The following TRIM2 variants were observed in gnomAD, a reference collection of about 807,000 sequenced individuals.
TRIM2 encodes tripartite motif-containing protein 2.
In TRIM2, 20 loss-of-function variants were observed where a neutral mutation model predicts 75.2. The observed-to-expected ratio is 0.27, with a 90% CI of 0.19 to 0.39. TRIM2 has a LOEUF of 0.39. TRIM2 is among the 10% of genes least tolerant of loss of function. The pLI, the probability that TRIM2 is intolerant of heterozygous loss-of-function variation, is 1.00. For synonymous variants in TRIM2, 373 were observed against 388.3 expected (o/e 0.96, Z 0.46); for missense variants, 660 against 990.8 (o/e 0.67, Z 4.48).
At chr4:153,201,735 CG>C (rs1734394079), upstream of TRIM2, among the ~76,000 whole-genome samples, 1 of 152,048 alleles carries the variant, frequency 6.6e-6, no homozygotes, top group Admixed American at 6.6e-5. Flanking sequence ...AAAATTTTAA[CG>C]AAGTCCAATT....
At chr4:153,180,747 G>T (rs1731974255) in intron 1 of TRIM2, among the ~76,000 whole-genome samples, 2 of 152,180 alleles carry the variant, frequency 1.3e-5, no homozygotes, top group South Asian at 4.1e-4. Flanking sequence ...CGAAGTGCTG[G>T]GATTACAGGC....
At chr4:153,218,671 T>G (rs879926411) in intron 1 of TRIM2, among the ~76,000 whole-genome samples, 2 of 152,192 alleles carry the variant, frequency 1.3e-5, no homozygotes, top group Non-Finnish European at 2.9e-5. Flanking sequence ...CTTTAGGAAG[T>G]GCTCTCTCAT....
intron 3 of TRIM2, among the ~76,000 whole-genome samples, chr4:153,288,186 C>T (rs1440849875): frequency 6.6e-6 from 1 of 152,078 alleles, no homozygotes; most frequent in Non-Finnish European, 1.5e-5. Context: ...CCTGTAATCC[C>T]AATAATTTGG....
intron 11 of TRIM2, among the ~76,000 whole-genome samples, chr4:153,334,440 C>A (rs1402689192): frequency 6.7e-6 from 1 of 148,302 alleles, no homozygotes; most frequent in Non-Finnish European, 1.5e-5. Flanking sequence ...TTTGCTCAGG[C>A]TGTTCTTAAA....
chr4:153,293,937 C>T (rs1762305668), intron 4 of TRIM2, among the ~76,000 whole-genome samples: 1 of 152,106 alleles, frequency 6.6e-6, no homozygotes, highest in African/African-American at 2.4e-5. Context: ...GCGGGGAGAG[C>T]TATTGGTATC....
At chr4:153,188,197 C>T (rs771155888) in intron 1 of TRIM2, among the ~76,000 whole-genome samples, 9 of 152,298 alleles carry the variant, frequency 5.9e-5, no homozygotes, top group Admixed American at 1.3e-4. Flanking sequence ...CGGTGGCTCA[C>T]GCCTGTAATC....
At position 153,208,788 on chromosome 4, in the gene TRIM2, G is replaced by A. The variant is rs779884874; in HGVS notation, c.30+4228G>A. Among the ~76,000 whole-genome samples, 9 of 152,176 alleles carry A rather than the reference G, an allele frequency of 5.9e-5. No homozygotes were observed. The South Asian group carries it at 1.7e-3, about 28-fold the overall frequency. On this transcript the variant is annotated intron_variant, in intron 1 of 11. Coordinates refer to ENST00000338700, the MANE Select transcript of TRIM2 (RefSeq NM_015271.5). ...CCTTTTCCCTCCCAGATGGAACACT[G>A]CATCCATCCCGATGGAGGTTTCTAG...
At chr4:153,153,343 G>A (rs1032037085) in intron 1 of TRIM2, 3 of 152,268 alleles carry the variant, frequency 2.0e-5, no homozygotes, top group Non-Finnish European at 2.9e-5. Flanking sequence ...TGGCGGGGAC[G>A]GAAAGGCAGG....
intron 1 of TRIM2, chr4:153,153,304 C>G (rs1247574339): frequency 6.6e-6 from 1 of 152,384 alleles, no homozygotes; most frequent in South Asian, 2.1e-4. Flanking sequence ...TGCTGGCAGG[C>G]GGCTAGGCGC....
At chr4:153,160,976 C>T (rs1246535098) in intron 1 of TRIM2, among the ~76,000 whole-genome samples, 1 of 152,136 alleles carries the variant, frequency 6.6e-6, no homozygotes, top group Non-Finnish European at 1.5e-5. Flanking sequence ...ACAATAATGA[C>T]TTCAATTTCT....
chr4:153,244,171 C>G (rs1287873549), intron 1 of TRIM2, among the ~76,000 whole-genome samples: 1 of 148,344 alleles, frequency 6.7e-6, no homozygotes, highest in Non-Finnish European at 1.5e-5. Context: ...TCTTCTTCTT[C>G]TTCTTCTTCT....
chr4:153,335,052 GTT>G lies in TRIM2; in HGVS notation c.*90_*91del, dbSNP rs548896290. ...AATGCGGGACCAGATTATGACTAGA[GTT>G]TTTATGCCAGAAGGAATCATTGGTG... On this transcript the variant is annotated 3_prime_UTR_variant, in exon 12 of 12. Transcript: ENST00000338700. 118 of 1,348,728 alleles carry G rather than the reference GTT, an allele frequency of 8.7e-5. No individual in the cohort carries two copies. The East Asian group carries it at 2.4e-3, about 27-fold the overall frequency. The allele number at this position is 1,348,728 out of a possible 1,614,324, so 83.5% of individuals were successfully genotyped here.
intron 3 of TRIM2, among the ~76,000 whole-genome samples, chr4:153,285,922 G>A (rs528689531): frequency 6.6e-6 from 1 of 152,178 alleles, no homozygotes; most frequent in Non-Finnish European, 1.5e-5. Context: ...CCGTTGACTA[G>A]AAGTGATAAG....
chr4:153,220,544 A>G (rs981170070), intron 1 of TRIM2, among the ~76,000 whole-genome samples: 2 of 152,226 alleles, frequency 1.3e-5, no homozygotes, highest in African/African-American at 2.4e-5. Flanking sequence ...ACTCACATCC[A>G]GAATGTGAGA....
intron 1 of TRIM2, among the ~76,000 whole-genome samples, chr4:153,234,607 C>T (rs985704414): frequency 6.6e-6 from 1 of 152,150 alleles, no homozygotes; most frequent in African/African-American, 2.4e-5. Flanking sequence ...ACTGAATGTC[C>T]TTGTGGCTTA....
At chr4:153,308,120 G>A (rs1265365671) in intron 6 of TRIM2, 3 of 1,004,070 alleles carry the variant, frequency 3.0e-6, no homozygotes, top group Admixed American at 1.7e-5. Context: ...CGGTCATGAC[G>A]CTGATCCACT....
intron 1 of TRIM2, among the ~76,000 whole-genome samples, chr4:153,167,611 C>A (rs1255221385): frequency 6.6e-6 from 1 of 152,176 alleles, no homozygotes; most frequent in African/African-American, 2.4e-5. Flanking sequence ...CAGTTTACCA[C>A]CATACTTAGA....
chr4:153,244,355 C>CTTCCTCT (rs1748079616), intron 1 of TRIM2, among the ~76,000 whole-genome samples: 2 of 12,690 alleles, frequency 1.6e-4, no homozygotes, highest in Admixed American at 8.2e-4. Flanking sequence ...CTTCTTCTTC[C>CTTCCTCT]TCTTCTTCTT....
chr4:153,262,522 T>A (rs74704299), intron 1 of TRIM2, among the ~76,000 whole-genome samples: 3 of 152,226 alleles, frequency 2.0e-5, no homozygotes, highest in African/African-American at 7.2e-5. Context: ...TGATGTTTTT[T>A]ATTTTTTATT....
Sources: allele counts gnomAD v4.1 joint callset (sites outside exome capture counted in the v4.1 genomes callset), GRCh38; gene constraint gnomAD v4.1.1; transcripts MANE v1.5; gene names NCBI Gene and HGNC (gene_info 2026-07-23, HGNC 2026-07-21).